The following RAB3C variants were observed in gnomAD, a reference collection of about 807,000 sequenced individuals.
RAB3C encodes the protein RAB3C, member RAS oncogene family, also known as ras-related protein Rab-3C.
A neutral mutation model predicts 26.4 loss-of-function variants in RAB3C; 17 were observed. The observed-to-expected ratio is 0.64, with a 90% confidence interval of 0.44 to 0.97. The LOEUF (loss-of-function observed/expected upper bound fraction) is 0.97, where lower values mean the gene tolerates loss of function less well. Ranked by LOEUF, RAB3C falls within the 50% of genes least tolerant of loss-of-function variation. RAB3C has a pLI of 0.00. For synonymous variants in RAB3C, 91 were observed against 95.9 expected (o/e 0.95, Z 0.30); for missense variants, 242 against 281.9 (o/e 0.86, Z 1.01).
At chr5:58,586,899 G>A (rs192316827) in intron 1 of RAB3C, among the ~76,000 whole-genome samples, 89 of 152,104 alleles carry the variant, frequency 5.9e-4, no homozygotes, top group Non-Finnish European at 9.4e-4. Flanking sequence ...GTTTTATTTG[G>A]CTATGGAAAG....
intron 2 of RAB3C, among the ~76,000 whole-genome samples, chr5:58,719,447 G>T (rs115687515): frequency 2.6e-5 from 4 of 152,042 alleles, no homozygotes; most frequent in Middle Eastern, 3.4e-3. Context: ...TACTAACAGT[G>T]TGTGTGGGTA....
chr5:58,810,366 T>TCTCTCTCTCTCTCG (rs1290628280), intron 3 of RAB3C, among the ~76,000 whole-genome samples: 3 of 98,096 alleles, frequency 3.1e-5, no homozygotes, highest in African/African-American at 1.2e-4. Flanking sequence ...CTCTGTGTGC[T>TCTCTCTCTCTCTCG]CTCTCTCTCT....
chr5:58,694,554 T>G (rs1013918387), intron 2 of RAB3C, among the ~76,000 whole-genome samples: 2 of 152,202 alleles, frequency 1.3e-5, no homozygotes, highest in African/African-American at 4.8e-5. Flanking sequence ...CCAGCAACAG[T>G]GCAAAAGTGT....
At chr5:58,790,401 C>T (rs1277770642) in intron 3 of RAB3C, among the ~76,000 whole-genome samples, 3 of 152,106 alleles carry the variant, frequency 2.0e-5, no homozygotes, top group Admixed American at 6.6e-5. Flanking sequence ...TAATAGCTCC[C>T]TCCTGAATGC....
At chr5:58,739,157 G>A (rs1163071935) in intron 3 of RAB3C, among the ~76,000 whole-genome samples, 1 of 152,162 alleles carries the variant, frequency 6.6e-6, no homozygotes, top group Non-Finnish European at 1.5e-5. Flanking sequence ...CAGGACCATC[G>A]TGAATACACT....
intron 2 of RAB3C, among the ~76,000 whole-genome samples, chr5:58,645,138 A>C (rs1256304280): frequency 1.3e-5 from 2 of 152,224 alleles, no homozygotes; most frequent in Non-Finnish European, 2.9e-5. Flanking sequence ...ATATGGCTAC[A>C]AGGTAGTCAG....
chr5:58,724,375 C>T lies in RAB3C; in HGVS notation c.253-1627C>T, dbSNP rs538773273. Among the ~76,000 whole-genome samples, 113 of 151,880 alleles carry T rather than the reference C, an allele frequency of 7.4e-4. 3 individuals are homozygous for T. The South Asian group carries it at 0.023, about 30-fold the overall frequency. ...GGACCTCAAATCTGGATCTGTCTGA[C>T]TCAAACATACATACAAAGCAGGTTT... is the stretch of plus-strand genomic sequence containing the variant. On this transcript the variant is annotated intron_variant, in intron 2 of 4. Transcript: ENST00000282878.
intron 2 of RAB3C, among the ~76,000 whole-genome samples, chr5:58,631,903 G>A (rs1333477786): frequency 6.6e-6 from 1 of 152,194 alleles, no homozygotes; most frequent in Non-Finnish European, 1.5e-5. Flanking sequence ...TGTATGGCTA[G>A]CTTCTGCAAA....
At chr5:58,777,758 A>G (rs373031558) in intron 3 of RAB3C, among the ~76,000 whole-genome samples, 1 of 134,146 alleles carries the variant, frequency 7.5e-6, no homozygotes, top group East Asian at 2.5e-4. Context: ...CCCCCACCCC[A>G]TGACAAGCCC....
chr5:58,648,637 AAG>A (rs2111781622), intron 2 of RAB3C, among the ~76,000 whole-genome samples: 1 of 152,336 alleles, frequency 6.6e-6, no homozygotes, highest in South Asian at 2.1e-4. Context: ...CATAGCCTCT[AAG>A]AGAGACAAGT....
Position 58,766,757 on chromosome 5 carries a change from A to G in RAB3C, c.371+40637A>G, listed in dbSNP as rs146981040. ...GGTTTAATCGGAGCCTTCGTTAGAT[A>G]AAGGCATGGTGCAGGGGCACAAAGG... On this transcript the variant is annotated intron_variant, in intron 3 of 4. Coordinates refer to ENST00000282878, the MANE Select transcript of RAB3C (RefSeq NM_138453.4). Among the ~76,000 whole-genome samples the G allele has an allele frequency of 3.6e-3, 544 of 152,294 alleles. 3 individuals are homozygous for G. Among genetic ancestry groups the G allele is most frequent in the African/African-American group, 0.013 (520 of 41,554 alleles).
chr5:58,805,361 A>ATTGTGAAT (rs1449308770), intron 3 of RAB3C, among the ~76,000 whole-genome samples: 1 of 152,066 alleles, frequency 6.6e-6, no homozygotes, highest in Non-Finnish European at 1.5e-5. Context: ...AGATGGACAG[A>ATTGTGAAT]TTGTGAATTT....
chr5:58,662,605 A>G (rs1747927300), intron 2 of RAB3C, among the ~76,000 whole-genome samples: 1 of 150,426 alleles, frequency 6.6e-6, no homozygotes, highest in African/African-American at 2.5e-5. Flanking sequence ...AATGTCGTAT[A>G]TCTTATAAAA....
chr5:58,765,550 A>C (rs909972749), intron 3 of RAB3C, among the ~76,000 whole-genome samples: 5 of 152,122 alleles, frequency 3.3e-5, no homozygotes, highest in Admixed American at 6.5e-5. Flanking sequence ...CTCTTTTTAT[A>C]AGTAAATATA....
intron 2 of RAB3C, among the ~76,000 whole-genome samples, chr5:58,623,837 C>T (rs1746992054): frequency 6.6e-6 from 1 of 152,092 alleles, no homozygotes. Context: ...TGAGCAGGGA[C>T]TTTGGAGTCT....
In RAB3C at chr5:58,597,770, A is replaced by G. The variant is rs181297019; in HGVS notation, c.24+14538A>G. Among the ~76,000 whole-genome samples the G allele has an allele frequency of 2.7e-3, 284 of 105,590 alleles. 14 individuals are homozygous for G. Among genetic ancestry groups the G allele is most frequent in the African/African-American group, 7.0e-3 (161 of 23,136 alleles). 69.3% of individuals were successfully genotyped at this position (105,590 alleles called of 152,430 possible). ...TACATTATATATAAGTATATAACAT[A>G]TAATACATTATATATAAGTATATAA... On this transcript the variant is annotated intron_variant, in intron 1 of 4. Transcript: ENST00000282878.
At chr5:58,678,956 G>A (rs1396169685) in intron 2 of RAB3C, among the ~76,000 whole-genome samples, 1 of 152,088 alleles carries the variant, frequency 6.6e-6, no homozygotes, top group Non-Finnish European at 1.5e-5. Context: ...TCCAGCTTAG[G>A]GAACATTCAC....
chr5:58,660,572 T>C (rs1561281760), intron 2 of RAB3C, among the ~76,000 whole-genome samples: 1 of 150,348 alleles, frequency 6.7e-6, no homozygotes, highest in Non-Finnish European at 1.5e-5. Context: ...GATCTGCCAA[T>C]GGCAGCCCCA....
At chr5:58,614,073 C>CT (rs1287350345) in intron 1 of RAB3C, among the ~76,000 whole-genome samples, 3 of 152,050 alleles carry the variant, frequency 2.0e-5, no homozygotes, top group Non-Finnish European at 4.4e-5. Flanking sequence ...TTTGAAGATT[C>CT]TTTCCAACTC....
Sources: allele counts gnomAD v4.1 joint callset (sites outside exome capture counted in the v4.1 genomes callset), GRCh38; gene constraint gnomAD v4.1.1; transcripts MANE v1.5; gene names NCBI Gene and HGNC (gene_info 2026-07-23, HGNC 2026-07-21).